The following C1QL3 variants were observed in gnomAD, a reference collection of about 807,000 sequenced individuals.
C1QL3 encodes the protein complement C1q-like protein 3.
A neutral mutation model predicts 16.6 loss-of-function variants in C1QL3; 4 were observed. That is an observed-to-expected ratio of 0.24 (90% confidence interval 0.12 to 0.55). The LOEUF (loss-of-function observed/expected upper bound fraction) is 0.55, where lower values mean the gene tolerates loss of function less well. Among genes scored for constraint, C1QL3 ranks in the 20% least tolerant of loss-of-function variants. The pLI, the probability that C1QL3 is intolerant of heterozygous loss-of-function variation, is 0.94. For missense variants in C1QL3, 269 were observed against 365.6 expected, an observed-to-expected ratio of 0.74 and a Z score of 2.16; for synonymous variants, 189 against 160.2, an observed-to-expected ratio of 1.18 and a Z score of -1.36.
chr10:16,521,027 C>A lies in C1QL3; in HGVS notation c.39G>T (p.Val13=), dbSNP rs372732009. 3 of 1,600,908 alleles carry A rather than the reference C, an allele frequency of 1.9e-6. No individual in the cohort carries two copies. The highest frequency in any genetic ancestry group is 2.5e-6 in the Non-Finnish European group (3 of 1,178,772). The change falls in exon 1 of 2, where the codon GTG becomes GTT. Residue 13 remains valine, a synonymous_variant. Transcript: ENST00000298943. The part of the protein sequence containing the change: ...LLLVILIPVL[V]SSAGTSAHYE... ...AGTGCGCCGACGTGCCGGCCGAGCT[C>A]ACCAGCACCGGGATGAGGATCACCA...
chr10:16,515,869 C>G (rs11597234), intron 1 of C1QL3, among the ~76,000 whole-genome samples: 40,796 of 151,952 alleles, frequency 0.27, 5,710 homozygotes, highest in Middle Eastern at 0.4. Flanking sequence ...GTTTTGTAAA[C>G]CTGCACTATG....
In C1QL3 at chr10:16,514,712, G is replaced by T; in HGVS notation, c.589-5C>A. 1 of 1,600,640 alleles carries T rather than the reference G, an allele frequency of 6.2e-7. No homozygotes were observed. Among genetic ancestry groups the T allele is most frequent in the Non-Finnish European group, 8.5e-7 (1 of 1,173,908 alleles). On this transcript the variant is annotated splice_region_variant and splice_polypyrimidine_tract_variant and intron_variant, in intron 1 of 1. Transcript: ENST00000298943. ...GGCAATTGCACTAGCACGCACCTATGTGAAACAGACAAGAATTAGGATGCG... is the reference window on the plus strand; with the variant it reads ...GGCAATTGCACTAGCACGCACCTATTTGAAACAGACAAGAATTAGGATGCG...
intron 1 of C1QL3, among the ~76,000 whole-genome samples, chr10:16,515,985 AATG>A (rs1332636968): frequency 6.6e-6 from 1 of 152,150 alleles, no homozygotes; most frequent in African/African-American, 2.4e-5. Flanking sequence ...TCAAAATTTA[AATG>A]ATGAGTTTTC....
intron 1 of C1QL3, among the ~76,000 whole-genome samples, chr10:16,515,486 T>C (rs1044502171): frequency 6.6e-6 from 1 of 152,180 alleles, no homozygotes; most frequent in Admixed American, 6.5e-5. Context: ...CTCTCAAGTT[T>C]CAAGAATTTT....
At chr10:16,518,937 G>C (rs757965425) in intron 1 of C1QL3, among the ~76,000 whole-genome samples, 1 of 151,830 alleles carries the variant, frequency 6.6e-6, no homozygotes, top group African/African-American at 2.4e-5. Context: ...GCCTATAACT[G>C]TTTTACTGTT....
chr10:16,519,341 G>C (rs982932251), intron 1 of C1QL3, among the ~76,000 whole-genome samples: 4 of 151,290 alleles, frequency 2.6e-5, no homozygotes, highest in Non-Finnish European at 4.4e-5. Context: ...TCTTGATGGC[G>C]ATGCCAGGGT....
Position 16,513,780 on chromosome 10 carries a change from A to C in C1QL3, c.*748T>G, listed in dbSNP as rs557816376. On this transcript the variant is annotated 3_prime_UTR_variant, in exon 2 of 2. Transcript: ENST00000298943. Reference sequence around the variant, plus strand: ...ATTCAGTTGACAAAATGGACACATAAGGGCTTTTTCTAAATACCGTACATA... The same window carrying C: ...ATTCAGTTGACAAAATGGACACATACGGGCTTTTTCTAAATACCGTACATA... 3.3e-5 allele frequency: 5 copies of C among 152,750 alleles called. No individual in the cohort carries two copies. The East Asian group carries it at 9.6e-4, about 29-fold the overall frequency. The allele number at this position is 152,750 out of a possible 1,614,324, so 9.5% of individuals were successfully genotyped here.
rs773907762 is a variant in C1QL3, at chr10:16,521,066, C to T, written c.-1G>A. 6.9e-6 allele frequency: 11 copies of T among 1,595,938 alleles called. No homozygotes were observed. The highest frequency in any genetic ancestry group is 8.5e-6 in the Non-Finnish European group (10 of 1,176,806). ...TGAGGATCACCAGCAGCAGCACCAT[C>T]ACCACCCCCAGCGCCCCGGCGGCGA... On this transcript the variant is annotated 5_prime_UTR_variant, in exon 1 of 2. Coordinates refer to ENST00000298943, the MANE Select transcript of C1QL3 (RefSeq NM_001010908.2).
chr10:16,520,878 T>C lies in C1QL3; in HGVS notation c.188A>G (p.Lys63Arg), dbSNP rs2058198644. The C allele has an allele frequency of 6.7e-7, 1 of 1,503,200 alleles. No homozygotes were observed. Among genetic ancestry groups the C allele is most frequent in the Non-Finnish European group, 8.8e-7 (1 of 1,132,386 alleles). 93.1% of individuals were successfully genotyped at this position (1,503,200 alleles called of 1,614,324 possible). The change falls in exon 1 of 2, where the codon AAA becomes AGA. Residue 63 changes from lysine (K) to arginine (R), a missense_variant. This residue lies in a region of C1QL3 where 246 missense variants were observed against 297.2 expected (regional missense o/e 0.83). Coordinates refer to ENST00000298943, the MANE Select transcript of C1QL3 (RefSeq NM_001010908.2). The surrounding 1 kb of genome is among the most constrained non-coding windows in gnomAD (Gnocchi z 8.3). ...QSLPTFIQGP[K>R]GEAGRPGKAG... ...CTTCCCGGGCCTGCCGGCCTCGCCT[T>C]TGGGGCCCTGGATGAAGGTGGGCAG...
At position 16,520,511 on chromosome 10, in the gene C1QL3, G is replaced by A. The variant is rs201157373; in HGVS notation, c.555C>T (p.Thr185=). 3.1e-6 allele frequency: 5 copies of A among 1,609,916 alleles called. No homozygotes were observed. Among genetic ancestry groups the A allele is most frequent in the Non-Finnish European group, 3.4e-6 (4 of 1,178,154 alleles). ...YHVLMRGGDG[T]SMWADLCKNN... ...TTTTGCAGAGATCAGCCCACATGCT[G>A]GTGCCGTCCCCTCCGCGCATCAGGA... The change falls in exon 1 of 2, where the codon ACC becomes ACT. Residue 185 remains threonine (T), a synonymous_variant. Coordinates refer to ENST00000298943, the MANE Select transcript of C1QL3 (RefSeq NM_001010908.2). This position sits in a 1 kb window ranked among gnomAD's most constrained non-coding sequence, Gnocchi z 8.3.
At position 16,514,628 on chromosome 10, in the gene C1QL3, G is replaced by A. The variant is rs775095801; in HGVS notation, c.668C>T (p.Pro223Leu). 3.2e-5 allele frequency: 51 copies of A among 1,613,604 alleles called. No homozygotes were observed. Among genetic ancestry groups the A allele is most frequent in the Middle Eastern group, 3.3e-4 (2 of 6,082 alleles). Residue 223 changes from proline to leucine, a missense_variant, in exon 2 of 2, where the codon CCG becomes CTG. Coordinates refer to ENST00000298943, the MANE Select transcript of C1QL3 (RefSeq NM_001010908.2). ...ASNSVVLHLEPGDEVYIKLDG... is the reference protein window; with the variant it reads ...ASNSVVLHLELGDEVYIKLDG... ...TAATTTGATATAGACTTCATCTCCC[G>A]GCTCCAAATGAAGAACCACACTGTT...
rs1166406943 is a variant in C1QL3, at chr10:16,520,472, G to A, written c.588+6C>T. ...CCCGCCCTCCCCGCCGCCCGCCCGC[G>A]CTCACCTGGTTGTTTTTGCAGAGAT... On this transcript the variant is annotated splice_donor_region_variant and intron_variant, in intron 1 of 1. Transcript: ENST00000298943. This position sits in a 1 kb window ranked among gnomAD's most constrained non-coding sequence, Gnocchi z 8.3. 1.9e-6 allele frequency: 2 copies of A among 1,066,874 alleles called. No homozygotes were observed. Among genetic ancestry groups the A allele is most frequent in the Non-Finnish European group, 2.6e-6 (2 of 766,694 alleles). The allele number at this position is 1,066,874 out of a possible 1,614,324, so 66.1% of individuals were successfully genotyped here.
intron 1 of C1QL3, 27 bp from the exon 2 acceptor site, chr10:16,514,734 T>C (rs752829499): frequency 6.4e-7 from 1 of 1,560,420 alleles, no homozygotes; most frequent in Admixed American, 1.9e-5. Context: ...AGAATTAGGA[T>C]GCGTAAATGA....
At position 16,515,233 on chromosome 10, in the gene C1QL3, A is replaced by AG. The variant is rs529160614; in HGVS notation, c.589-527_589-526insC. ...CTCTACTACTTACAAAGAAAAAAAA[A>AG]AAAAAGAAAAAGTCTTTTGATTTAG... On this transcript the variant is annotated intron_variant, in intron 1 of 1. Transcript: ENST00000298943. Among the ~76,000 whole-genome samples, 34 of 151,608 alleles carry AG rather than the reference A, an allele frequency of 2.2e-4. No homozygotes were observed. The East Asian group carries it at 6.2e-3, about 28-fold the overall frequency.
In C1QL3 at chr10:16,514,687, G is replaced by A. The variant is rs773433390; in HGVS notation, c.609C>T (p.Ala203=). 6.8e-6 allele frequency: 11 copies of A among 1,613,314 alleles called. No homozygotes were observed. Among genetic ancestry groups the A allele is most frequent in the Non-Finnish European group, 9.3e-6 (11 of 1,179,606 alleles). Residue 203 remains alanine, a synonymous_variant, in exon 2 of 2, where the codon GCC becomes GCT. Transcript: ENST00000298943. ...AGTCGTAATTCTGATCAGCATCTTG[G>A]GCAATTGCACTAGCACGCACCTATG... ...KNNQVRASAI[A]QDADQNYDYA...
chr10:16,519,354 C>T (rs10904763), intron 1 of C1QL3, among the ~76,000 whole-genome samples: 21,379 of 151,142 alleles, frequency 0.14, 1,731 homozygotes, highest in Middle Eastern at 0.22. Flanking sequence ...GCCAGGGTCG[C>T]GGGCCATCCC....
chr10:16,516,740 C>T (rs1323124638), intron 1 of C1QL3, among the ~76,000 whole-genome samples: 5 of 152,178 alleles, frequency 3.3e-5, no homozygotes, highest in Admixed American at 3.3e-4. Flanking sequence ...ACCGAGTGAA[C>T]GTCACCATTT....
At position 16,514,504 on chromosome 10, in the gene C1QL3, A is replaced by C. The variant is rs368514858; in HGVS notation, c.*24T>G. On this transcript the variant is annotated 3_prime_UTR_variant, in exon 2 of 2. Transcript: ENST00000298943. The stretch of plus-strand genomic sequence containing the variant: ...TACGAATCCAGTGTTCAAACTCAGA[A>C]TAATAAGCTTAGTTTCTGCATTATC... The C allele has an allele frequency of 6.2e-7, 1 of 1,602,152 alleles. No individual in the cohort carries two copies. The highest frequency in any genetic ancestry group is 1.7e-5 in the Admixed American group (1 of 59,600).
chr10:16,520,960 C>G lies in C1QL3; in HGVS notation c.106G>C (p.Gly36Arg). The G allele has an allele frequency of 6.3e-7, 1 of 1,582,086 alleles. No individual in the cohort carries two copies. The highest frequency in any genetic ancestry group is 8.5e-7 in the Non-Finnish European group (1 of 1,171,688). ...GCGGTGCTGGGCGCCTTGGTGCCCCCGTAGGGGTCGCAGACCATGCGGCAG... is the reference window on the plus strand; with the variant it reads ...GCGGTGCTGGGCGCCTTGGTGCCCCGGTAGGGGTCGCAGACCATGCGGCAG... ...GTCRMVCDPY[G>R]GTKAPSTAAT... The change falls in exon 1 of 2, where the codon GGG becomes CGG. Residue 36 changes from glycine to arginine, a missense_variant. Gly to Arg is a moderately radical substitution (Grantham distance 125). This residue lies in a region of C1QL3 where 246 missense variants were observed against 297.2 expected (regional missense o/e 0.83). Transcript: ENST00000298943. This position sits in a 1 kb window ranked among gnomAD's most constrained non-coding sequence, Gnocchi z 8.3.
Sources: gnomAD v4.1 joint callset for allele counts (sites outside exome capture counted in the v4.1 genomes callset) on GRCh38, gnomAD v4.1.1 for gene constraint, gnomAD v4.1.1 regional missense constraint, Gnocchi (gnomAD v3.1) non-coding constraint, MANE v1.5 for transcripts, NCBI Gene and HGNC (gene_info 2026-07-23, HGNC 2026-07-21) for gene names.